Variants in HDAC9 observed in about 807,000 individuals in gnomAD.
HDAC9 encodes the protein histone deacetylase 9.
HDAC9 carries 41 observed loss-of-function variants against 139.4 expected under a neutral mutation model. That is an observed-to-expected ratio of 0.29 (90% CI 0.23 to 0.38). The LOEUF is 0.38. Among genes scored for constraint, HDAC9 ranks in the 10% least tolerant of loss-of-function variants. The probability of loss-of-function intolerance (pLI) is 1.00; values close to 1 mark genes in which losing one functional copy is unlikely to be tolerated. For missense variants in HDAC9, 1,147 were observed against 1,297.0 expected, an observed-to-expected ratio of 0.88 and a Z score of 1.78; for synonymous variants, 517 against 476.2, an observed-to-expected ratio of 1.09 and a Z score of -1.12.
chr7:18,111,016 T>G (rs2128083029), intron 1 of HDAC9, among the ~76,000 whole-genome samples: 1 of 152,302 alleles, frequency 6.6e-6, no homozygotes. Context: ...GTGTTTGAAG[T>G]GCTTATGGGT....
intron 2 of HDAC9, among the ~76,000 whole-genome samples, chr7:18,185,593 A>AGT (rs1185202677): frequency 2.0e-5 from 3 of 152,210 alleles, no homozygotes; most frequent in Non-Finnish European, 4.4e-5. Context: ...CATAGATAAG[A>AGT]GTACATATCT....
intron 16 of HDAC9, among the ~76,000 whole-genome samples, chr7:18,767,864 A>C (rs577368294): frequency 6.6e-6 from 1 of 152,346 alleles, no homozygotes; most frequent in South Asian, 2.1e-4. Context: ...TTCTAGGTGA[A>C]GTTTTCAAAG....
In HDAC9 at chr7:18,874,554, G is replaced by A. The variant is rs775417829; in HGVS notation, c.2761G>A (p.Gly921Ser). The change falls in exon 22 of 26, where the codon GGC becomes AGC. Residue 921 changes from glycine to serine, a missense_variant. Around this residue, in one of 7 missense-constraint regions of HDAC9, gnomAD observed 407 missense variants for 521.5 expected, o/e 0.78. Coordinates refer to ENST00000686413, the MANE Select transcript of HDAC9 (RefSeq NM_178425.4). ...ATCTGCTGGATTTGATGCATTGGAA[G>A]GCCACACCCCTCCTCTAGGAGGGTA... ...LVSAGFDALE[G>S]HTPPLGGYKV... is the part of the protein sequence containing the mutation. 6.3e-7 allele frequency: 1 copy of A among 1,595,278 alleles called. No individual in the cohort carries two copies. Among genetic ancestry groups the A allele is most frequent in the Non-Finnish European group, 8.5e-7 (1 of 1,169,876 alleles).
chr7:18,982,739 G>T (rs894399373), intron 25 of HDAC9, among the ~76,000 whole-genome samples: 2 of 152,066 alleles, frequency 1.3e-5, no homozygotes, highest in East Asian at 3.9e-4. Flanking sequence ...CGTGTGTACT[G>T]TATTTCTTAA....
intron 19 of HDAC9, among the ~76,000 whole-genome samples, chr7:18,830,456 T>G (rs1023392675): frequency 6.6e-6 from 1 of 152,212 alleles, no homozygotes; most frequent in Non-Finnish European, 1.5e-5. Flanking sequence ...AAGGTTTTTT[T>G]TTGAAGTGCA....
At chr7:18,884,186 A>G (rs942485218) in intron 22 of HDAC9, among the ~76,000 whole-genome samples, 4 of 152,200 alleles carry the variant, frequency 2.6e-5, no homozygotes, top group Admixed American at 2.0e-4. Flanking sequence ...TCACAGAAAT[A>G]GCAGAATCAA....
chr7:18,333,390 A>G (rs1443756016), intron 1 of HDAC9, among the ~76,000 whole-genome samples: 2 of 151,498 alleles, frequency 1.3e-5, no homozygotes, highest in East Asian at 3.9e-4. Context: ...GATTTTTGTT[A>G]AGTAGATTTT....
chr7:18,593,767 T>G, intron 5 of HDAC9, 141 bp from the exon 6 acceptor site: 1 of 801,946 alleles, frequency 1.2e-6, no homozygotes, highest in Non-Finnish European at 2.0e-6. Flanking sequence ...CTTGGTTATG[T>G]GAGGCTATGG....
intron 2 of HDAC9, among the ~76,000 whole-genome samples, chr7:18,259,017 T>C (rs998172260): frequency 1.3e-4 from 19 of 142,174 alleles, no homozygotes; most frequent in Non-Finnish European, 2.7e-4. Flanking sequence ...TCGTCCAGGC[T>C]GGAGTGCAGT....
chr7:18,803,589 T>G (rs1209483524), intron 17 of HDAC9, among the ~76,000 whole-genome samples: 1 of 152,214 alleles, frequency 6.6e-6, no homozygotes, highest in Non-Finnish European at 1.5e-5. Flanking sequence ...TCTCAGCACT[T>G]TAAATATCTT....
intron 1 of HDAC9, among the ~76,000 whole-genome samples, chr7:18,376,017 C>T (rs762523183): frequency 6.6e-6 from 1 of 151,988 alleles, no homozygotes; most frequent in Non-Finnish European, 1.5e-5. Flanking sequence ...TGATTATTGA[C>T]CTTGAGTGTT....
intron 2 of HDAC9, among the ~76,000 whole-genome samples, chr7:18,248,703 A>G (rs1038727904): frequency 3.3e-5 from 5 of 152,198 alleles, no homozygotes; most frequent in Non-Finnish European, 7.3e-5. Flanking sequence ...ATTGGTCTGT[A>G]AAAGTCTTCT....
chr7:18,854,559 A>C (rs1458166640), intron 21 of HDAC9, among the ~76,000 whole-genome samples: 1 of 152,112 alleles, frequency 6.6e-6, no homozygotes, highest in East Asian at 1.9e-4. Flanking sequence ...AATCAGAAGA[A>C]GAGTCAATAG....
At chr7:18,993,525 G>C (rs1259397914) in intron 25 of HDAC9, among the ~76,000 whole-genome samples, 1 of 152,186 alleles carries the variant, frequency 6.6e-6, no homozygotes, top group South Asian at 2.1e-4. Context: ...ATTGAGGCTA[G>C]ACATGGTGGC....
At chr7:18,761,973 G>C (rs1370963795) in intron 14 of HDAC9, among the ~76,000 whole-genome samples, 184 bp from the exon 15 acceptor site, 3 of 152,106 alleles carry the variant, frequency 2.0e-5, no homozygotes, top group Non-Finnish European at 4.4e-5. Context: ...CAATCTGTTG[G>C]ATCTGAACCT....
At chr7:18,194,456 C>T (rs1790592148) in intron 2 of HDAC9, among the ~76,000 whole-genome samples, 1 of 152,120 alleles carries the variant, frequency 6.6e-6, no homozygotes, top group Non-Finnish European at 1.5e-5. Flanking sequence ...TACATTCACA[C>T]CATTTGCCAC....
chr7:18,257,060 G>A (rs1385731240), intron 2 of HDAC9, among the ~76,000 whole-genome samples: 1 of 151,974 alleles, frequency 6.6e-6, no homozygotes, highest in Admixed American at 6.6e-5. Flanking sequence ...CTGCACACCA[G>A]CCTGGGTGAC....
chr7:18,526,887 G>C (rs756032229), intron 2 of HDAC9, among the ~76,000 whole-genome samples: 1 of 152,072 alleles, frequency 6.6e-6, no homozygotes, highest in Non-Finnish European at 1.5e-5. Flanking sequence ...TTTAAAAAAT[G>C]TTCTGTCTAG....
chr7:18,147,097 T>C (rs1279234536), intron 1 of HDAC9, among the ~76,000 whole-genome samples: 2 of 152,186 alleles, frequency 1.3e-5, no homozygotes, highest in East Asian at 3.9e-4. Flanking sequence ...TTACAGCTTA[T>C]TTAAACTCTT....
Sources: allele counts gnomAD v4.1 joint callset (sites outside exome capture counted in the v4.1 genomes callset), GRCh38; gene constraint gnomAD v4.1.1; regional missense constraint gnomAD v4.1.1; transcripts MANE v1.5; gene names NCBI Gene and HGNC (gene_info 2026-07-23, HGNC 2026-07-21).